Variants in KIF20B observed in about 807,000 individuals in gnomAD.
KIF20B encodes the protein kinesin family member 20B, also known as kinesin-like protein KIF20B.
Under a neutral mutation model 232.5 loss-of-function variants are expected in KIF20B, and 188 were observed. The observed-to-expected ratio is 0.81, with a 90% CI of 0.72 to 0.91. The LOEUF is 0.91. Among genes scored for constraint, KIF20B ranks in the 40% least tolerant of loss-of-function variants. The pLI, the probability that KIF20B is intolerant of heterozygous loss-of-function variation, is 0.00. For missense variants in KIF20B, 2,154 were observed against 2,055.9 expected, an observed-to-expected ratio of 1.05 and a Z score of -0.92; for synonymous variants, 712 against 683.0, an observed-to-expected ratio of 1.04 and a Z score of -0.66.
chr10:89,747,197 C>T (rs981994355), intron 23 of KIF20B, among the ~76,000 whole-genome samples: 13 of 152,188 alleles, frequency 8.5e-5, no homozygotes, highest in African/African-American at 2.9e-4. Context: ...TATCATCTCA[C>T]ACCAGTTAGA....
At chr10:89,705,005 A>C (rs3824604) in intron 1 of KIF20B, among the ~76,000 whole-genome samples, 46,773 of 151,858 alleles carry the variant, frequency 0.31, 8,060 homozygotes, top group African/African-American at 0.46. Flanking sequence ...GAGAGAGTAA[A>C]TATTTTATAC....
intron 29 of KIF20B, among the ~76,000 whole-genome samples, chr10:89,764,311 A>G (rs1318563966): frequency 4.0e-5 from 6 of 151,754 alleles, no homozygotes; most frequent in Non-Finnish European, 8.8e-5. Flanking sequence ...GGACATTTGG[A>G]TTGGTTCCAA....
chr10:89,764,182 T>G (rs1336989819), intron 29 of KIF20B, among the ~76,000 whole-genome samples: 2 of 151,696 alleles, frequency 1.3e-5, no homozygotes, highest in African/African-American at 4.8e-5. Flanking sequence ...TTACTGAGAA[T>G]GATGATTTCC....
chr10:89,734,178 G>A (rs975775341), intron 19 of KIF20B, among the ~76,000 whole-genome samples: 10 of 152,102 alleles, frequency 6.6e-5, no homozygotes, highest in Admixed American at 2.0e-4. Context: ...GGGAGGCCGA[G>A]GTGGGTGGAT....
rs1418380533 is a variant in KIF20B at position 89,715,151 on chromosome 10, C to G, written c.909C>G (p.Ser303=). 2 of 1,602,510 alleles carry G rather than the reference C, an allele frequency of 1.2e-6. No individual in the cohort carries two copies. The highest frequency in any genetic ancestry group is 1.7e-6 in the Non-Finnish European group (2 of 1,174,972). ...KFQKRKMLRL[S]QDVKGYSFIK... Reference sequence around the variant, plus strand: ...AAAAGAGAAAGATGCTGCGCCTTTCCCAAGACGTAAAGGGCTATTCTTTTA... The same window carrying G: ...AAAAGAGAAAGATGCTGCGCCTTTCGCAAGACGTAAAGGGCTATTCTTTTA... The change falls in exon 8 of 33, where the codon TCC becomes TCG. Residue 303 remains serine (S), a synonymous_variant. Coordinates refer to ENST00000371728, the MANE Select transcript of KIF20B (RefSeq NM_001284259.2).
At chr10:89,733,756 C>T (rs1212838895) in intron 19 of KIF20B, among the ~76,000 whole-genome samples, 1 of 152,202 alleles carries the variant, frequency 6.6e-6, no homozygotes, top group East Asian at 1.9e-4. Context: ...ACCCCTTCCT[C>T]TTTGAGGCTG....
chr10:89,769,565 C>T (rs557371734), intron 31 of KIF20B, among the ~76,000 whole-genome samples: 1 of 151,846 alleles, frequency 6.6e-6, no homozygotes. Context: ...ATGTCAAAAA[C>T]ACATTATTTT....
intron 23 of KIF20B, 67 bp from the exon 24 acceptor site, chr10:89,751,279 A>G: frequency 7.9e-7 from 1 of 1,273,646 alleles, no homozygotes; most frequent in Non-Finnish European, 1.1e-6. Context: ...TTAATTTTAG[A>G]AGAACTTAAG....
rs1472218970 is a variant in KIF20B at position 89,774,282 on chromosome 10, A to T, written c.*234A>T. ...ATTTCCCTATTATCTCAGACATTGG[A>T]TCAGTGAAGATCCTAGGAAAGAGGC... On this transcript the variant is annotated 3_prime_UTR_variant, in exon 33 of 33. Coordinates refer to ENST00000371728, the MANE Select transcript of KIF20B (RefSeq NM_001284259.2). The T allele has an allele frequency of 3.5e-6, 1 of 282,702 alleles. No individual in the cohort carries two copies. The highest frequency in any genetic ancestry group is 6.6e-6 in the Non-Finnish European group (1 of 152,390). The allele number at this position is 282,702 out of a possible 1,614,324, so 17.5% of individuals were successfully genotyped here. A position where few individuals can be genotyped will look rare whatever the true frequency, so the allele number is the denominator to read the frequency against.
At chr10:89,771,560 A>G (rs535462893) in intron 31 of KIF20B, among the ~76,000 whole-genome samples, 3 of 152,200 alleles carry the variant, frequency 2.0e-5, no homozygotes, top group East Asian at 1.9e-4. Flanking sequence ...CAAGCTAGTC[A>G]TGCTCTTACT....
chr10:89,723,912 T>G (rs1843119884), intron 13 of KIF20B, 52 bp from the exon 14 acceptor site: 1 of 1,295,940 alleles, frequency 7.7e-7, no homozygotes, highest in Non-Finnish European at 1.0e-6. Flanking sequence ...ACGGTATTTC[T>G]CTTGGGATAT....
chr10:89,759,184 C>A (rs1474743937), intron 27 of KIF20B, among the ~76,000 whole-genome samples: 2 of 151,916 alleles, frequency 1.3e-5, no homozygotes, highest in Non-Finnish European at 2.9e-5. Flanking sequence ...ATGGTTTAGT[C>A]CCCAGTCTGC....
At position 89,751,370 on chromosome 10, in the gene KIF20B, T is replaced by C. The variant is rs956967355; in HGVS notation, c.4121T>C (p.Ile1374Thr). The change falls in exon 24 of 33, where the codon ATT becomes ACT. Residue 1374 changes from isoleucine to threonine, a missense_variant. Ile to Thr is a moderately conservative substitution (Grantham distance 89). Coordinates refer to ENST00000371728, the MANE Select transcript of KIF20B (RefSeq NM_001284259.2). ...CKDLNVKEKI[I>T]EDMRMTLEEQ... The stretch of plus-strand genomic sequence containing the variant: ...GATCTAAATGTTAAAGAGAAAATAA[T>C]TGAAGACATGCGAATGACACTAGAA... The C allele has an allele frequency of 6.2e-7, 1 of 1,606,690 alleles. No homozygotes were observed. Among genetic ancestry groups the C allele is most frequent in the South Asian group, 1.1e-5 (1 of 88,758 alleles).
intron 25 of KIF20B, among the ~76,000 whole-genome samples, 193 bp from the exon 26 acceptor site, chr10:89,754,325 G>A (rs1247039611): frequency 5.3e-5 from 8 of 151,858 alleles, no homozygotes. Flanking sequence ...TAAATGAAAT[G>A]CGTTTAGGAA....
chr10:89,765,213 C>T (rs936336758), intron 29 of KIF20B, among the ~76,000 whole-genome samples: 4 of 152,006 alleles, frequency 2.6e-5, no homozygotes, highest in Non-Finnish European at 4.4e-5. Flanking sequence ...AGATATGCGG[C>T]GTTATTTCAC....
chr10:89,720,751 G>T (rs943151529), intron 13 of KIF20B, among the ~76,000 whole-genome samples: 2 of 152,080 alleles, frequency 1.3e-5, no homozygotes, highest in Non-Finnish European at 2.9e-5. Context: ...TGTTGCCCAG[G>T]CTAGAGTGCA....
chr10:89,707,363 G>A (rs1564656248), intron 2 of KIF20B, among the ~76,000 whole-genome samples: 1 of 151,950 alleles, frequency 6.6e-6, no homozygotes, highest in Non-Finnish European at 1.5e-5. Flanking sequence ...CCTCTGATTA[G>A]CATTTTGTTA....
chr10:89,742,543 T>G (rs1328548770), intron 21 of KIF20B, among the ~76,000 whole-genome samples: 1 of 152,148 alleles, frequency 6.6e-6, no homozygotes, highest in East Asian at 1.9e-4. Context: ...AAGATGGTGT[T>G]TATTACTTGA....
chr10:89,727,815 G>T (rs760342574), intron 16 of KIF20B, 41 bp from the exon 17 acceptor site: 4 of 1,477,632 alleles, frequency 2.7e-6, no homozygotes, highest in Non-Finnish European at 3.7e-6. Context: ...CATATTTTTA[G>T]ATGCTTAGAT....
Sources: allele counts gnomAD v4.1 joint callset (sites outside exome capture counted in the v4.1 genomes callset), GRCh38; gene constraint gnomAD v4.1.1; transcripts MANE v1.5; gene names NCBI Gene and HGNC (gene_info 2026-07-23, HGNC 2026-07-21).